Variants in CEP250 observed in about 807,000 individuals in gnomAD.
CEP250 encodes centrosome-associated protein CEP250.
Under a neutral mutation model 315.7 loss-of-function variants are expected in CEP250, and 242 were observed. That is an observed-to-expected ratio of 0.77 (90% CI 0.69 to 0.85). The LOEUF is 0.85. CEP250 is among the 40% of genes least tolerant of loss of function. The pLI is 0.00. For missense variants in CEP250, 2,515 were observed against 2,886.4 expected, an observed-to-expected ratio of 0.87 and a Z score of 2.95; for synonymous variants, 1,088 against 1,175.0, an observed-to-expected ratio of 0.93 and a Z score of 1.51.
chr20:35,477,499 C>T (rs879698683), intron 16 of CEP250, among the ~76,000 whole-genome samples: 1 of 152,200 alleles, frequency 6.6e-6, no homozygotes, highest in Admixed American at 6.5e-5. Context: ...ATAGCAATCA[C>T]CAGAAAAGAA....
intron 30 of CEP250, among the ~76,000 whole-genome samples, chr20:35,505,729 C>T (rs989083242): frequency 2.0e-5 from 3 of 150,700 alleles, no homozygotes; most frequent in Non-Finnish European, 2.9e-5. Context: ...GGAGCATTCA[C>T]GGGAAGAGGA....
intron 4 of CEP250, among the ~76,000 whole-genome samples, chr20:35,462,936 C>T (rs1022965666): frequency 2.0e-5 from 3 of 152,092 alleles, no homozygotes; most frequent in African/African-American, 7.2e-5. Flanking sequence ...TAATATATCT[C>T]TTTAAAGATG....
Position 35,473,975 on chromosome 20 carries a change from GCAGGGGGACTCTGCC to G in CEP250, c.1500_1514del (p.Asp501_Gly505del). 9.3e-6 allele frequency: 15 copies of G among 1,609,304 alleles called. No homozygotes were observed. The highest frequency in any genetic ancestry group is 1.3e-5 in the Non-Finnish European group (15 of 1,178,668). On this transcript the variant is annotated inframe_deletion, in exon 14 of 35. Coordinates refer to ENST00000397527, the MANE Select transcript of CEP250 (RefSeq NM_007186.6). ...GAAGGGTAAATGTGGAGCTTCAGCTGCAGGGGGACTCTGCCCAGGGCCAGAAGGAGGAACAGCAGG... is the reference window on the plus strand; with the variant it reads ...GAAGGGTAAATGTGGAGCTTCAGCTGCAGGGCCAGAAGGAGGAACAGCAGG...
Position 35,465,838 on chromosome 20 carries a change from A to T in CEP250, c.326+13A>T, listed in dbSNP as rs2062865272. The T allele has an allele frequency of 6.3e-7, 1 of 1,599,388 alleles. No individual in the cohort carries two copies. Among genetic ancestry groups the T allele is most frequent in the African/African-American group, 1.3e-5 (1 of 74,590 alleles). The stretch of plus-strand genomic sequence containing the variant: ...AGGAGCAACAGAGGTGATGGACCCC[A>T]AACTTTCTGACCTGGGTGATTGGCC... On this transcript the variant is annotated intron_variant, in intron 6 of 34. Transcript: ENST00000397527.
At position 35,497,911 on chromosome 20, in the gene CEP250, G is replaced by T. The variant is rs201801448; in HGVS notation, c.3499G>T (p.Ala1167Ser). 1.7e-5 allele frequency: 28 copies of T among 1,609,556 alleles called. No homozygotes were observed. In the East Asian group the frequency reaches 5.8e-4, roughly 33 times the overall value. The change falls in exon 26 of 35, where the codon GCC becomes TCC. Residue 1167 changes from alanine (A) to serine (S), a missense_variant. By Grantham distance (99) the Ala-to-Ser change is moderately conservative (BLOSUM62 1). Coordinates refer to ENST00000397527, the MANE Select transcript of CEP250 (RefSeq NM_007186.6). ...RSTESQLEALAAEQQPGNQAQ... is the reference protein window; with the variant it reads ...RSTESQLEALSAEQQPGNQAQ... ...CACAGAGAGCCAGCTAGAAGCGCTGGCCGCAGAGCAGCAGCCCGGGAACCA... is the reference window on the plus strand; with the variant it reads ...CACAGAGAGCCAGCTAGAAGCGCTGTCCGCAGAGCAGCAGCCCGGGAACCA...
chr20:35,470,793 A>G (rs1238397403), intron 10 of CEP250, among the ~76,000 whole-genome samples: 1 of 152,210 alleles, frequency 6.6e-6, no homozygotes, highest in Non-Finnish European at 1.5e-5. Flanking sequence ...AATGTTTTCC[A>G]GGGCAAAACC....
rs546239250 is a variant in CEP250 at position 35,456,187 on chromosome 20, G to C, written c.-298+436G>C. Among the ~76,000 whole-genome samples the C allele has an allele frequency of 1.3e-3, 194 of 152,314 alleles. 3 individuals are homozygous for C. Among genetic ancestry groups the C allele is most frequent in the African/African-American group, 4.5e-3 (186 of 41,570 alleles). On this transcript the variant is annotated intron_variant, in intron 1 of 34. Transcript: ENST00000397527. ...TGGGATTACAGGCGTGAGCCACCGC[G>C]CTCAGCCAAAGGCCTATTTAATCTT...
chr20:35,478,209 A>G (rs2063228758), intron 17 of CEP250, 108 bp downstream of exon 17: 1 of 742,324 alleles, frequency 1.3e-6, no homozygotes, highest in African/African-American at 1.8e-5. Context: ...CTTACTTCCT[A>G]GAAATGACCA....
At chr20:35,455,301 C>G (rs1272006199), upstream of CEP250, 2 of 152,254 alleles carry the variant, frequency 1.3e-5, no homozygotes. Flanking sequence ...CCCGGAGACC[C>G]GCCCGTCTAG....
Position 35,462,259 on chromosome 20 carries a change from C to A in CEP250, c.-103-6C>A. On this transcript the variant is annotated splice_region_variant and splice_polypyrimidine_tract_variant and intron_variant, in intron 3 of 34. Transcript: ENST00000397527. ...TTTCCATTTGACTATGTGCTTTGGT[C>A]CCCAGTTCAAGAGGAGGTTGAAGTG... The A allele has an allele frequency of 2.5e-6, 2 of 784,458 alleles. No individual in the cohort carries two copies. Among genetic ancestry groups the A allele is most frequent in the Non-Finnish European group, 4.1e-6 (2 of 491,838 alleles). The allele number at this position is 784,458 out of a possible 1,614,324, so 48.6% of individuals were successfully genotyped here. A position where few individuals can be genotyped will look rare whatever the true frequency, so the allele number is the denominator to read the frequency against.
Position 35,498,779 on chromosome 20 carries a change from G to T in CEP250, c.3777+63G>T, listed in dbSNP as rs2063921170. On this transcript the variant is annotated intron_variant, in intron 27 of 34. Coordinates refer to ENST00000397527, the MANE Select transcript of CEP250 (RefSeq NM_007186.6). ...TCCCTGGAAAAGCATGAGGCAAAGG[G>T]GTGTGAAGCAGTTTGACCTGTTTTA... 2.0e-6 allele frequency: 3 copies of T among 1,489,324 alleles called. No homozygotes were observed. In the East Asian group the frequency reaches 7.6e-5, roughly 38 times the overall value. 92.3% of individuals were successfully genotyped at this position (1,489,324 alleles called of 1,614,324 possible). A position where few individuals can be genotyped will look rare whatever the true frequency, so the allele number is the denominator to read the frequency against.
Position 35,518,773 on chromosome 20 carries a change from GTAA to G in CEP250, c.*7149_*7151del, listed in dbSNP as rs1345089644. On this transcript the variant is annotated 3_prime_UTR_variant, in exon 35 of 35. Coordinates refer to ENST00000397527, the MANE Select transcript of CEP250 (RefSeq NM_007186.6). The stretch of plus-strand genomic sequence containing the variant: ...AGGCTGAGTGCAGTGGCTCACGCCT[GTAA>G]TCCTAGCACTTGTGGGAGGCTGAGG... 1 of 152,218 alleles carries G rather than the reference GTAA, an allele frequency of 6.6e-6. No individual in the cohort carries two copies. The highest frequency in any genetic ancestry group is 1.5e-5 in the Non-Finnish European group (1 of 68,046). 9.4% of individuals were successfully genotyped at this position (152,218 alleles called of 1,614,324 possible). A position where few individuals can be genotyped will look rare whatever the true frequency, so the allele number is the denominator to read the frequency against.
intron 3 of CEP250, among the ~76,000 whole-genome samples, chr20:35,460,638 C>G (rs566829405): frequency 6.6e-6 from 1 of 152,308 alleles, no homozygotes; most frequent in South Asian, 2.1e-4. Context: ...AAATATGGGT[C>G]AAGCATCACT....
intron 20 of CEP250, among the ~76,000 whole-genome samples, chr20:35,488,291 C>G (rs2063576728): frequency 6.6e-6 from 1 of 152,120 alleles, no homozygotes; most frequent in Non-Finnish European, 1.5e-5. Flanking sequence ...TTGGCTTTGG[C>G]TTTTTGCAGT....
chr20:35,479,104 G>T, intron 17 of CEP250, 127 bp from the exon 18 acceptor site: 1 of 862,654 alleles, frequency 1.2e-6, no homozygotes, highest in Non-Finnish European at 1.8e-6. Context: ...ACGTGCTATT[G>T]GGTAAGCAAT....
At position 35,463,577 on chromosome 20, in the gene CEP250, G is replaced by A; in HGVS notation, c.189G>A (p.Val63=). 1.2e-6 allele frequency: 2 copies of A among 1,608,624 alleles called. No individual in the cohort carries two copies. The highest frequency in any genetic ancestry group is 1.7e-6 in the Non-Finnish European group (2 of 1,177,668). ...AGGGCCTGTTCTTTTTGCTGCAGGT[G>A]CTGCAGTACCGAAGCTGGTGCCAAG... The part of the protein sequence containing the change: ...ATLVRKLQAK[V]LQYRSWCQEL... Residue 63 remains valine (V), a splice_region_variant and synonymous_variant, in exon 5 of 35, where the codon GTG becomes GTA. Transcript: ENST00000397527.
rs2064375641 is a variant in CEP250 at position 35,512,007 on chromosome 20, G to T, written c.*381G>T. ...CTGCTGTCTCCACTTGTGCAGCTGG[G>T]TGGCAGCACCACATCAAGGGAGTTT... is the stretch of plus-strand genomic sequence containing the variant. On this transcript the variant is annotated 3_prime_UTR_variant, in exon 35 of 35. Coordinates refer to ENST00000397527, the MANE Select transcript of CEP250 (RefSeq NM_007186.6). The T allele has an allele frequency of 9.6e-7, 1 of 1,039,452 alleles. No individual in the cohort carries two copies. 64.4% of individuals were successfully genotyped at this position (1,039,452 alleles called of 1,614,324 possible).
Position 35,472,139 on chromosome 20 carries a change from G to C in CEP250, c.1038G>C (p.Lys346Asn). Residue 346 changes from lysine (K) to asparagine (N), a missense_variant, in exon 11 of 35, where the codon AAG becomes AAC. Coordinates refer to ENST00000397527, the MANE Select transcript of CEP250 (RefSeq NM_007186.6). ...AGTTGTCTTTACAGCAGGTGATCAA[G>C]GATATAACCCAGGTACTGGGAAGCC... Reference protein sequence around the residue: ...EEKLSLQQVIKDITQVMVEEG... With the variant: ...EEKLSLQQVINDITQVMVEEG... 6.2e-7 allele frequency: 1 copy of C among 1,606,892 alleles called. No individual in the cohort carries two copies. The highest frequency in any genetic ancestry group is 8.5e-7 in the Non-Finnish European group (1 of 1,173,430).
chr20:35,512,884 G>A lies in CEP250; in HGVS notation c.*1258G>A, dbSNP rs947806564. ...CAGAACAGTTTTCCTTAAAGAAGCA[G>A]GCCATTACCTTCCTCTGGCACTCCC... On this transcript the variant is annotated 3_prime_UTR_variant, in exon 35 of 35. Coordinates refer to ENST00000397527, the MANE Select transcript of CEP250 (RefSeq NM_007186.6). 2.6e-5 allele frequency: 4 copies of A among 152,228 alleles called. No individual in the cohort carries two copies. The highest frequency in any genetic ancestry group is 7.2e-5 in the African/African-American group (3 of 41,434). 9.4% of individuals were successfully genotyped at this position (152,228 alleles called of 1,614,324 possible).
Sources: allele counts gnomAD v4.1 joint callset (sites outside exome capture counted in the v4.1 genomes callset), GRCh38; gene constraint gnomAD v4.1.1; transcripts MANE v1.5; gene names NCBI Gene and HGNC (gene_info 2026-07-23, HGNC 2026-07-21).